DAP: variants seen among roughly 807,000 people sequenced by gnomAD.
The protein encoded by DAP is death-associated protein 1.
In DAP, 8 loss-of-function variants were observed where a neutral mutation model predicts 13.8. That is an observed-to-expected ratio of 0.58 (90% confidence interval 0.34 to 1.05). The LOEUF (loss-of-function observed/expected upper bound fraction) is 1.05, where lower values mean the gene tolerates loss of function less well. Among genes scored for constraint, DAP ranks in the 50% least tolerant of loss-of-function variants. The pLI, the probability that DAP is intolerant of heterozygous loss-of-function variation, is 0.03. For synonymous variants in DAP, 47 were observed against 47.5 expected (o/e 0.99, Z 0.04); for missense variants, 106 against 133.2 (o/e 0.80, Z 1.01).
intron 2 of DAP, among the ~76,000 whole-genome samples, chr5:10,710,521 G>C (rs1738820805): frequency 6.6e-6 from 1 of 152,248 alleles, no homozygotes; most frequent in African/African-American, 2.4e-5. Context: ...AGCGCTCTGA[G>C]TGAGGTCAGG....
intron 1 of DAP, among the ~76,000 whole-genome samples, chr5:10,757,811 G>A (rs1233034916): frequency 6.6e-6 from 1 of 152,122 alleles, no homozygotes; most frequent in Non-Finnish European, 1.5e-5. Context: ...TTTGCTATGG[G>A]GGCAGTGAGG....
chr5:10,693,453 G>A (rs1308398649), intron 2 of DAP, among the ~76,000 whole-genome samples: 1 of 152,188 alleles, frequency 6.6e-6, no homozygotes, highest in East Asian at 1.9e-4. Context: ...GTTGATAAAA[G>A]CTACTGTTTA....
At chr5:10,716,231 G>A (rs1348415229) in intron 2 of DAP, among the ~76,000 whole-genome samples, 1 of 152,190 alleles carries the variant, frequency 6.6e-6, no homozygotes, top group Non-Finnish European at 1.5e-5. Context: ...GAAACTGCTG[G>A]TAAGAAGATA....
At chr5:10,699,480 C>T (rs894828924) in intron 2 of DAP, among the ~76,000 whole-genome samples, 12 of 152,246 alleles carry the variant, frequency 7.9e-5, no homozygotes, top group African/African-American at 2.2e-4. Context: ...CAACAGGCCA[C>T]ACCTGTGAGG....
chr5:10,722,693 C>T (rs1348604264), intron 2 of DAP, among the ~76,000 whole-genome samples: 1 of 151,610 alleles, frequency 6.6e-6, no homozygotes, highest in Admixed American at 6.6e-5. Flanking sequence ...TATACCCTGC[C>T]TGGACCCAGA....
At chr5:10,757,745 C>T (rs1409026672) in intron 1 of DAP, among the ~76,000 whole-genome samples, 1 of 152,152 alleles carries the variant, frequency 6.6e-6, no homozygotes, top group Non-Finnish European at 1.5e-5. Context: ...AAGAGGACCA[C>T]CTGCATCCCT....
At chr5:10,711,561 T>C (rs993749603) in intron 2 of DAP, among the ~76,000 whole-genome samples, 4 of 151,676 alleles carry the variant, frequency 2.6e-5, no homozygotes, top group Non-Finnish European at 4.4e-5. Flanking sequence ...GCTCTCTTAC[T>C]CTATCGGCAT....
At chr5:10,712,467 G>T (rs1738877808) in intron 2 of DAP, among the ~76,000 whole-genome samples, 1 of 152,226 alleles carries the variant, frequency 6.6e-6, no homozygotes, top group Non-Finnish European at 1.5e-5. Context: ...TCAGGGTATG[G>T]AGGGACTGGG....
intron 2 of DAP, among the ~76,000 whole-genome samples, chr5:10,695,860 CAG>C (rs977314815): frequency 2.0e-5 from 3 of 151,900 alleles, no homozygotes; most frequent in African/African-American, 7.3e-5. Context: ...CAAAACTTCA[CAG>C]AGATTTTTTT....
At chr5:10,753,466 G>A (rs1740096201) in intron 1 of DAP, among the ~76,000 whole-genome samples, 1 of 152,256 alleles carries the variant, frequency 6.6e-6, no homozygotes, top group South Asian at 2.1e-4. Context: ...CAGAGCAGCT[G>A]CCTGCCCAAG....
intron 1 of DAP, among the ~76,000 whole-genome samples, chr5:10,755,928 G>A (rs1329174871): frequency 6.6e-6 from 1 of 152,176 alleles, no homozygotes; most frequent in Non-Finnish European, 1.5e-5. Context: ...TGGGCAGGTC[G>A]CTTGAGCCCA....
At chr5:10,690,542 G>A (rs1054725922) in intron 2 of DAP, among the ~76,000 whole-genome samples, 2 of 152,128 alleles carry the variant, frequency 1.3e-5, no homozygotes, top group Non-Finnish European at 2.9e-5. Flanking sequence ...TCATGTAAGT[G>A]GAATCATACA....
intron 2 of DAP, among the ~76,000 whole-genome samples, chr5:10,743,308 G>A (rs267951): frequency 0.48 from 72,790 of 152,038 alleles, 19,401 homozygotes; most frequent in Non-Finnish European, 0.6. Flanking sequence ...CCTTCAATCC[G>A]TCAGTGCTTG....
In DAP at chr5:10,729,791, T is replaced by A. The variant is rs145877487; in HGVS notation, c.152+18384A>T. On this transcript the variant is annotated intron_variant, in intron 2 of 3. Coordinates refer to ENST00000230895, the MANE Select transcript of DAP (RefSeq NM_004394.3). ...ACTCCAGTTCCCCTTAACAGAAAAT[T>A]CATCCTTACGGCGACCCCAAGTTAA... 1.8e-3 allele frequency among the ~76,000 whole-genome samples: 281 copies of A among 152,172 alleles called. 1 individual carries two copies. Among genetic ancestry groups the A allele is most frequent in the Admixed American group, 3.3e-3 (51 of 15,290 alleles).
At position 10,742,924 on chromosome 5, in the gene DAP, A is replaced by ACCATCCATCCATCCATCCAT. The variant is rs369437281; in HGVS notation, c.152+5231_152+5250dup. Among the ~76,000 whole-genome samples the ACCATCCATCCATCCATCCAT allele has an allele frequency of 4.9e-3, 658 of 134,292 alleles. 6 individuals carry two copies. The highest frequency in any genetic ancestry group is 0.018 in the African/African-American group (632 of 35,126). 88.1% of individuals were successfully genotyped at this position (134,292 alleles called of 152,430 possible). ...TATCTGTATAGGTATGTTTGTATCT[A>ACCATCCATCCATCCATCCAT]CCATCCATCCATCCATCCATCCATC... is the stretch of plus-strand genomic sequence containing the variant. On this transcript the variant is annotated intron_variant, in intron 2 of 3. Coordinates refer to ENST00000230895, the MANE Select transcript of DAP (RefSeq NM_004394.3).
chr5:10,723,821 G>A (rs1739217906), intron 2 of DAP, among the ~76,000 whole-genome samples: 1 of 152,134 alleles, frequency 6.6e-6, no homozygotes, highest in Non-Finnish European at 1.5e-5. Context: ...TTACAATGCT[G>A]AGTTGTGACA....
At chr5:10,737,605 C>T (rs1293536241) in intron 2 of DAP, among the ~76,000 whole-genome samples, 2 of 152,150 alleles carry the variant, frequency 1.3e-5, no homozygotes, top group Non-Finnish European at 2.9e-5. Context: ...ATAAAAATTC[C>T]CAGGCATACA....
At chr5:10,721,593 G>C (rs1354510769) in intron 2 of DAP, among the ~76,000 whole-genome samples, 1 of 152,198 alleles carries the variant, frequency 6.6e-6, no homozygotes, top group Non-Finnish European at 1.5e-5. Flanking sequence ...ACCATTGCCT[G>C]TGATTAAGGT....
chr5:10,757,993 G>A (rs1208523524), intron 1 of DAP, among the ~76,000 whole-genome samples: 1 of 152,090 alleles, frequency 6.6e-6, no homozygotes, highest in Non-Finnish European at 1.5e-5. Context: ...AGGAGATATG[G>A]GCCAGACAGC....
Sources: gnomAD v4.1 joint callset for allele counts (sites outside exome capture counted in the v4.1 genomes callset) on GRCh38, gnomAD v4.1.1 for gene constraint, MANE v1.5 for transcripts, NCBI Gene and HGNC (gene_info 2026-07-23, HGNC 2026-07-21) for gene names.